TRPM7: variants seen among roughly 807,000 people sequenced by gnomAD.
TRPM7 encodes transient receptor potential cation channel subfamily M member 7, also known as LTRPC ion channel family member 7.
TRPM7 carries 134 observed loss-of-function variants against 229.7 expected under a neutral mutation model. The observed-to-expected ratio is 0.58, with a 90% confidence interval of 0.51 to 0.67. TRPM7 has a LOEUF of 0.67. Among genes scored for constraint, TRPM7 ranks in the 30% least tolerant of loss-of-function variants. The pLI is 0.00. For missense variants in TRPM7, 1,901 were observed against 2,210.0 expected, an observed-to-expected ratio of 0.86 and a Z score of 2.80; for synonymous variants, 699 against 715.2, an observed-to-expected ratio of 0.98 and a Z score of 0.36.
rs747745681 is a variant in TRPM7 at position 50,686,522 on chromosome 15, G to C, written c.3+9C>G. 1.9e-5 allele frequency: 30 copies of C among 1,612,622 alleles called. No homozygotes were observed. The highest frequency in any genetic ancestry group is 3.3e-4 in the Middle Eastern group (2 of 6,076). On this transcript the variant is annotated intron_variant, in intron 1 of 38. Transcript: ENST00000646667. The stretch of plus-strand genomic sequence containing the variant: ...CCATTCCCCGCCCGGGCCTGCGTGG[G>C]TCCAGTACCATTCTCCTCACGGGGC...
intron 1 of TRPM7, among the ~76,000 whole-genome samples, chr15:50,671,563 C>T (rs566409606): frequency 6.6e-6 from 1 of 152,022 alleles, no homozygotes; most frequent in East Asian, 1.9e-4. Flanking sequence ...CAGCACCTTG[C>T]CGTGGGAGGA....
In TRPM7 at chr15:50,639,533, A is replaced by G. The variant is rs1459266176; in HGVS notation, c.551T>C (p.Val184Ala). The change falls in exon 6 of 39, where the codon GTT becomes GCT. Residue 184 changes from valine (V) to alanine (A), a missense_variant. This residue lies in a region of TRPM7 where 794 missense variants were observed against 881.9 expected (regional missense o/e 0.90). Transcript: ENST00000646667. Reference protein sequence around the residue: ...GGVNTGVAKHVGDALKEHASR... With the variant: ...GGVNTGVAKHAGDALKEHASR... ...AGCATGTTCTTTGAGGGCATCTCCAACATGTTTTGCCACACCTGTTCATAA... is the reference window on the plus strand; with the variant it reads ...AGCATGTTCTTTGAGGGCATCTCCAGCATGTTTTGCCACACCTGTTCATAA... 1.2e-6 allele frequency: 2 copies of G among 1,609,968 alleles called. No individual in the cohort carries two copies. The highest frequency in any genetic ancestry group is 2.2e-5 in the South Asian group (2 of 90,358).
Position 50,578,623 on chromosome 15 carries a change from T to C in TRPM7, c.4618+16A>G, listed in dbSNP as rs2054252016. On this transcript the variant is annotated intron_variant, in intron 31 of 38. Coordinates refer to ENST00000646667, the MANE Select transcript of TRPM7 (RefSeq NM_017672.6). The stretch of plus-strand genomic sequence containing the variant: ...ATTCTCATTTTTTTCACGTTCAATC[T>C]ACCACACAGACTCACCATTTAATGT... 6.2e-7 allele frequency: 1 copy of C among 1,608,778 alleles called. No individual in the cohort carries two copies. Among genetic ancestry groups the C allele is most frequent in the Non-Finnish European group, 8.5e-7 (1 of 1,176,542 alleles).
At chr15:50,676,813 G>A (rs1251168994) in intron 1 of TRPM7, among the ~76,000 whole-genome samples, 1 of 152,032 alleles carries the variant, frequency 6.6e-6, no homozygotes, top group African/African-American at 2.4e-5. Flanking sequence ...AACAGCAGCT[G>A]GAAAGTGATG....
intron 11 of TRPM7, among the ~76,000 whole-genome samples, chr15:50,624,622 T>C (rs2060505778): frequency 6.6e-6 from 1 of 152,160 alleles, no homozygotes; most frequent in South Asian, 2.1e-4. Flanking sequence ...GCTCTCAGTG[T>C]TTAGGGAAGG....
In TRPM7 at chr15:50,679,538, A is replaced by ATATTTTT. The variant is rs1400383980; in HGVS notation, c.3+6992_3+6993insAAAAATA. 5.9e-4 allele frequency among the ~76,000 whole-genome samples: 26 copies of ATATTTTT among 43,894 alleles called. 1 individual carries two copies. Among genetic ancestry groups the ATATTTTT allele is most frequent in the African/African-American group, 2.7e-3 (25 of 9,310 alleles). The allele number at this position is 43,894 out of a possible 152,430, so 28.8% of individuals were successfully genotyped here. ...TATATATATATATATATATATATATATTTTTTTTTTTTTTTGAGACAGAGT... is the reference window on the plus strand; with the variant it reads ...TATATATATATATATATATATATATATATTTTTTTTTTTTTTTTTTTTGAGACAGAGT... On this transcript the variant is annotated intron_variant, in intron 1 of 38. Coordinates refer to ENST00000646667, the MANE Select transcript of TRPM7 (RefSeq NM_017672.6).
At chr15:50,685,903 C>A (rs2062349064) in intron 1 of TRPM7, among the ~76,000 whole-genome samples, 1 of 152,112 alleles carries the variant, frequency 6.6e-6, no homozygotes. Context: ...ACAGAAGCCT[C>A]CCCCCACCCA....
Position 50,580,910 on chromosome 15 carries a change from T to C in TRPM7, c.4558-2A>G. The C allele has an allele frequency of 6.3e-7, 1 of 1,578,258 alleles. No individual in the cohort carries two copies. Among genetic ancestry groups the C allele is most frequent in the South Asian group, 1.2e-5 (1 of 84,304 alleles). ...TGATGGTCTATCTTGTAACCAATCC[T>C]TCAGTAAAAAAAAAACACACACACA... On this transcript the variant is annotated splice_acceptor_variant, in intron 29 of 38. Coordinates refer to ENST00000646667, the MANE Select transcript of TRPM7 (RefSeq NM_017672.6). LOFTEE classifies it high-confidence loss of function.
chr15:50,571,129 G>A (rs1467595231), intron 36 of TRPM7, among the ~76,000 whole-genome samples: 1 of 151,968 alleles, frequency 6.6e-6, no homozygotes, highest in African/African-American at 2.4e-5. Flanking sequence ...ACCCATTAGA[G>A]CAAAATCTAA....
intron 5 of TRPM7, among the ~76,000 whole-genome samples, chr15:50,639,918 A>G (rs781735381): frequency 1.8e-5 from 2 of 112,072 alleles, no homozygotes; most frequent in Non-Finnish European, 4.4e-5. Context: ...CAAGGTCATA[A>G]CAAACTTAAA....
intron 19 of TRPM7, 102 bp from the exon 20 acceptor site, chr15:50,607,430 C>T: frequency 1.0e-6 from 1 of 963,220 alleles, no homozygotes; most frequent in Non-Finnish European, 1.5e-6. Flanking sequence ...TTAAATGAAC[C>T]TCTGTAAATT....
At chr15:50,633,660 T>C (rs1034469913) in intron 8 of TRPM7, among the ~76,000 whole-genome samples, 1 of 152,214 alleles carries the variant, frequency 6.6e-6, no homozygotes. Context: ...CTATAAACCA[T>C]TTCTTTGTAT....
At chr15:50,649,538 T>G (rs1450531193) in intron 3 of TRPM7, among the ~76,000 whole-genome samples, 1 of 151,830 alleles carries the variant, frequency 6.6e-6, no homozygotes, top group African/African-American at 2.4e-5. Flanking sequence ...AATCTCAAAA[T>G]CATCATACTG....
At chr15:50,682,126 C>T (rs533207542) in intron 1 of TRPM7, among the ~76,000 whole-genome samples, 6 of 144,690 alleles carry the variant, frequency 4.1e-5, no homozygotes, top group Admixed American at 3.6e-4. Context: ...TGCAGTGAGC[C>T]GACATCGCGC....
At chr15:50,581,727 G>A (rs929633221) in intron 29 of TRPM7, among the ~76,000 whole-genome samples, 2 of 152,042 alleles carry the variant, frequency 1.3e-5, no homozygotes, top group Non-Finnish European at 2.9e-5. Flanking sequence ...CATTCTGCCC[G>A]AATTTGAATC....
chr15:50,655,666 G>A (rs553654302), intron 3 of TRPM7, among the ~76,000 whole-genome samples: 1 of 152,212 alleles, frequency 6.6e-6, no homozygotes, highest in South Asian at 2.1e-4. Flanking sequence ...CTTCTCATTA[G>A]AAACAAAAGC....
chr15:50,650,140 CAG>C (rs2061377655), intron 3 of TRPM7, among the ~76,000 whole-genome samples: 1 of 127,610 alleles, frequency 7.8e-6, no homozygotes, highest in South Asian at 2.4e-4. Context: ...CCACAGTGAG[CAG>C]AGATTGGGCC....
chr15:50,684,648 A>C lies in TRPM7; in HGVS notation c.3+1883T>G, dbSNP rs530215763. Among the ~76,000 whole-genome samples, 6 of 152,232 alleles carry C rather than the reference A, an allele frequency of 3.9e-5. No homozygotes were observed. In the East Asian group the frequency reaches 1.2e-3, roughly 29 times the overall value. ...GAGCGAGACTCGGTCTCAAACAAAA[A>C]GAAAAAAGAAAAAAAAATACAGAGG... is the stretch of plus-strand genomic sequence containing the variant. On this transcript the variant is annotated intron_variant, in intron 1 of 38. Coordinates refer to ENST00000646667, the MANE Select transcript of TRPM7 (RefSeq NM_017672.6).
intron 1 of TRPM7, among the ~76,000 whole-genome samples, chr15:50,665,529 C>T (rs572782735): frequency 6.6e-6 from 1 of 151,986 alleles, no homozygotes; most frequent in South Asian, 2.1e-4. Flanking sequence ...TTTTAAACCA[C>T]CAACATTCAA....
Sources: gnomAD v4.1 joint callset for allele counts (sites outside exome capture counted in the v4.1 genomes callset) on GRCh38, gnomAD v4.1.1 for gene constraint, gnomAD v4.1.1 regional missense constraint, MANE v1.5 for transcripts, NCBI Gene and HGNC (gene_info 2026-07-23, HGNC 2026-07-21) for gene names.